STARD3NL: variants seen among roughly 807,000 people sequenced by gnomAD.
STARD3NL encodes STARD3 N-terminal like.
A neutral mutation model predicts 30.9 loss-of-function variants in STARD3NL; 17 were observed. The observed-to-expected ratio is 0.55, with a 90% confidence interval of 0.38 to 0.82. STARD3NL has a LOEUF of 0.82. Ranked by LOEUF, STARD3NL falls within the 40% of genes least tolerant of loss-of-function variation. The pLI, the probability that STARD3NL is intolerant of heterozygous loss-of-function variation, is 0.00. For missense variants in STARD3NL, 234 were observed against 277.6 expected (o/e 0.84, Z 1.12); for synonymous variants, 112 against 100.5 (o/e 1.11, Z -0.69).
At chr7:38,227,516 C>T (rs1301009761) in intron 7 of STARD3NL, among the ~76,000 whole-genome samples, 4 of 152,136 alleles carry the variant, frequency 2.6e-5, no homozygotes, top group East Asian at 1.9e-4. Context: ...GGCTATAATT[C>T]AGGTAGACAT....
At chr7:38,219,315 A>G (rs1314384006) in intron 6 of STARD3NL, among the ~76,000 whole-genome samples, 5 of 152,164 alleles carry the variant, frequency 3.3e-5, no homozygotes, top group South Asian at 2.1e-4. Context: ...CCAGAGTGCT[A>G]TGATGACAGG....
intron 1 of STARD3NL, among the ~76,000 whole-genome samples, chr7:38,196,169 A>G (rs1003846397): frequency 6.6e-6 from 1 of 152,226 alleles, no homozygotes; most frequent in Non-Finnish European, 1.5e-5. Flanking sequence ...TGTGGGAGGC[A>G]TGCAGAGGAT....
chr7:38,190,891 G>GT (rs1784660044), intron 1 of STARD3NL, among the ~76,000 whole-genome samples: 1 of 152,084 alleles, frequency 6.6e-6, no homozygotes, highest in East Asian at 1.9e-4. Flanking sequence ...CTAAATTCAA[G>GT]TAAAACTTCT....
rs1465964194 is a variant in STARD3NL, at chr7:38,217,172, T to G, written c.436-16T>G. On this transcript the variant is annotated splice_polypyrimidine_tract_variant and intron_variant, in intron 5 of 8. Coordinates refer to ENST00000009041, the MANE Select transcript of STARD3NL (RefSeq NM_032016.4). ...TTGTGGTAACTGCATTTCCCTTTCC[T>G]GGTCGTATTTTCCAGCTTTTCTCTC... 1.9e-6 allele frequency: 3 copies of G among 1,613,954 alleles called. No individual in the cohort carries two copies.
chr7:38,193,660 T>C (rs548659535), intron 1 of STARD3NL, among the ~76,000 whole-genome samples: 3 of 152,346 alleles, frequency 2.0e-5, no homozygotes, highest in South Asian at 2.1e-4. Context: ...AGCTCTGATA[T>C]GTTTGTCTGA....
At chr7:38,222,596 C>A (rs867455177) in intron 7 of STARD3NL, among the ~76,000 whole-genome samples, 1 of 152,164 alleles carries the variant, frequency 6.6e-6, no homozygotes, top group South Asian at 2.1e-4. Flanking sequence ...AGTAGTGATA[C>A]GAGGAACACG....
intron 1 of STARD3NL, among the ~76,000 whole-genome samples, chr7:38,197,194 TTTTCTCTC>T (rs1784960394): frequency 7.0e-5 from 10 of 143,782 alleles, no homozygotes; most frequent in South Asian, 2.3e-4. Context: ...CTTTCTTTCT[TTTTCTCTC>T]TCTCTCTTTC....
At position 38,193,198 on chromosome 7, in the gene STARD3NL, G is replaced by A. The variant is rs550001870; in HGVS notation, c.-58-14249G>A. Among the ~76,000 whole-genome samples the A allele has an allele frequency of 2.8e-4, 43 of 152,290 alleles. 1 individual carries two copies. The South Asian group carries it at 8.5e-3, about 30-fold the overall frequency. On this transcript the variant is annotated intron_variant, in intron 1 of 8. Coordinates refer to ENST00000009041, the MANE Select transcript of STARD3NL (RefSeq NM_032016.4). The stretch of plus-strand genomic sequence containing the variant: ...AGCTTTTGGCCTAAATGAATTGTAA[G>A]TTGTGTTCGTGCATGCTTTTGAAAT...
chr7:38,228,403 G>C (rs530943016), intron 7 of STARD3NL, among the ~76,000 whole-genome samples: 1 of 152,146 alleles, frequency 6.6e-6, no homozygotes, highest in African/African-American at 2.4e-5. Flanking sequence ...TCTCTCGCTC[G>C]TCTGCCACAG....
intron 1 of STARD3NL, among the ~76,000 whole-genome samples, chr7:38,202,735 C>T (rs1033538382): frequency 1.6e-5 from 2 of 122,642 alleles, no homozygotes; most frequent in African/African-American, 6.1e-5. Context: ...CCCCCCACCC[C>T]ACAACAGGCC....
intron 1 of STARD3NL, among the ~76,000 whole-genome samples, chr7:38,197,289 A>G (rs971335158): frequency 4.0e-5 from 6 of 149,724 alleles, no homozygotes; most frequent in African/African-American, 1.5e-4. Context: ...GCAGTGGCGT[A>G]ATCTTAGCTC....
intron 8 of STARD3NL, among the ~76,000 whole-genome samples, chr7:38,229,111 AT>A (rs1363723557): frequency 6.6e-6 from 1 of 152,214 alleles, no homozygotes; most frequent in Non-Finnish European, 1.5e-5. Context: ...ATAGAGATGA[AT>A]TTATGTTAAT....
intron 6 of STARD3NL, among the ~76,000 whole-genome samples, chr7:38,218,239 T>G (rs1183329015): frequency 6.6e-6 from 1 of 152,138 alleles, no homozygotes; most frequent in Non-Finnish European, 1.5e-5. Context: ...AAAAAGTATC[T>G]TATAGAAAGT....
intron 2 of STARD3NL, among the ~76,000 whole-genome samples, chr7:38,211,202 C>T (rs1309231337): frequency 3.3e-5 from 5 of 152,170 alleles, no homozygotes; most frequent in Non-Finnish European, 4.4e-5. Context: ...TTACCTCATT[C>T]CTACTATGCT....
chr7:38,193,004 A>C (rs1204880021), intron 1 of STARD3NL, among the ~76,000 whole-genome samples: 3 of 151,622 alleles, frequency 2.0e-5, no homozygotes, highest in Non-Finnish European at 4.4e-5. Context: ...TTCCCTCTCT[A>C]TGTGTTTCTC....
At chr7:38,203,741 G>A (rs191387733) in intron 1 of STARD3NL, among the ~76,000 whole-genome samples, 14 of 152,238 alleles carry the variant, frequency 9.2e-5, no homozygotes, top group African/African-American at 2.4e-4. Flanking sequence ...CCCGTCTCAC[G>A]TGCAGAGACA....
chr7:38,195,278 A>G (rs1463231173), intron 1 of STARD3NL, among the ~76,000 whole-genome samples: 1 of 152,042 alleles, frequency 6.6e-6, no homozygotes, highest in Admixed American at 6.6e-5. Flanking sequence ...CTGGTCTCGA[A>G]CTCCTGACCC....
intron 2 of STARD3NL, among the ~76,000 whole-genome samples, chr7:38,210,988 A>G (rs1785767059): frequency 6.6e-6 from 1 of 152,156 alleles, no homozygotes; most frequent in African/African-American, 2.4e-5. Flanking sequence ...TGCCTTCCTC[A>G]TGGGTCCATG....
At chr7:38,184,831 GGCA>G (rs976302960) in intron 1 of STARD3NL, among the ~76,000 whole-genome samples, 3 of 144,332 alleles carry the variant, frequency 2.1e-5, no homozygotes, top group African/African-American at 7.6e-5. Flanking sequence ...TATATATATA[GGCA>G]GCATATATAC....
Sources: gnomAD v4.1 joint callset for allele counts (sites outside exome capture counted in the v4.1 genomes callset) on GRCh38, gnomAD v4.1.1 for gene constraint, MANE v1.5 for transcripts, NCBI Gene and HGNC (gene_info 2026-07-23, HGNC 2026-07-21) for gene names.